Variants in COL4A5 observed in about 807,000 individuals in gnomAD.
COL4A5 encodes collagen alpha-5(IV) chain.
Under a neutral mutation model 130.2 loss-of-function variants are expected in COL4A5, and 26 were observed. The ratio of observed to expected loss-of-function variants is 0.20; its 90% CI spans 0.15 to 0.28. The LOEUF (loss-of-function observed/expected upper bound fraction) is 0.28. COL4A5 is among the 10% of genes least tolerant of loss of function. The pLI is 1.00. For synonymous variants in COL4A5, 496 were observed against 439.6 expected (o/e 1.13, Z -1.60); for missense variants, 1,131 against 1,344.3 (o/e 0.84, Z 2.48).
intron 37 of COL4A5, among the ~76,000 whole-genome samples, chrX:108,661,393 G>C (rs2067954759): frequency 9.0e-6 from 1 of 111,467 alleles, no homozygotes; most frequent in Non-Finnish European, 1.9e-5. Context: ...TCAATATTCT[G>C]TTAATCGCCA....
Position 108,635,817 on chromosome X carries a change from A to G in COL4A5, c.3246+9468A>G, listed in dbSNP as rs188342056. ...TTAAGGATAGTCTTTTCAACAAATG[A>G]TGCTGGAACATGGATGCAGCTGGAG... On this transcript the variant is annotated intron_variant, in intron 36 of 52. Transcript: ENST00000328300. Among the ~76,000 whole-genome samples the G allele has an allele frequency of 3.6e-5, 4 of 112,551 alleles. No individual in the cohort carries two copies. The East Asian group carries it at 8.4e-4, about 24-fold the overall frequency.
Position 108,539,819 on chromosome X carries a change from T to C in COL4A5, c.141+14T>C. On this transcript the variant is annotated intron_variant, in intron 2 of 52. Coordinates refer to ENST00000328300, the MANE Select transcript of COL4A5 (RefSeq NM_033380.3). Reference sequence around the variant, plus strand: ...AAAGGGGAAAAGGTGAGGTCTTAGATTGGCATTTGAAAATTTAGTAAAGCC... The same window carrying C: ...AAAGGGGAAAAGGTGAGGTCTTAGACTGGCATTTGAAAATTTAGTAAAGCC... 3.4e-6 allele frequency: 4 copies of C among 1,186,940 alleles called. No individual in the cohort carries two copies. Among genetic ancestry groups the C allele is most frequent in the East Asian group, 3.0e-5 (1 of 33,720 alleles).
chrX:108,555,394 T>G (rs1377423568), intron 2 of COL4A5, among the ~76,000 whole-genome samples: 1 of 112,296 alleles, frequency 8.9e-6, no homozygotes, highest in Non-Finnish European at 1.9e-5. Context: ...TCTACATAAC[T>G]ACAAAAACAA....
At chrX:108,500,259 G>A (rs1043121228) in intron 1 of COL4A5, among the ~76,000 whole-genome samples, 21 of 112,103 alleles carry the variant, frequency 1.9e-4, no homozygotes, top group Non-Finnish European at 1.5e-4. Context: ...ACCCAAGAGC[G>A]GAACATTAAA....
chrX:108,493,363 A>G (rs1290175310), intron 1 of COL4A5, among the ~76,000 whole-genome samples: 1 of 111,738 alleles, frequency 8.9e-6, no homozygotes, highest in Non-Finnish European at 1.9e-5. Context: ...GGAAAAATGA[A>G]TGATGTCAAA....
chrX:108,678,028 A>T (rs1346188836), intron 44 of COL4A5, among the ~76,000 whole-genome samples: 2 of 111,885 alleles, frequency 1.8e-5, no homozygotes, highest in Non-Finnish European at 3.8e-5. Context: ...TTAGGGTCAA[A>T]TGTCAGCTCC....
At chrX:108,635,312 G>T (rs2067333744) in intron 36 of COL4A5, among the ~76,000 whole-genome samples, 2 of 111,308 alleles carry the variant, frequency 1.8e-5, no homozygotes, top group Admixed American at 1.9e-4. Flanking sequence ...GAAAAGGAAT[G>T]AAACACTTTG....
chrX:108,538,821 T>C (rs906277935), intron 1 of COL4A5, among the ~76,000 whole-genome samples: 6 of 111,975 alleles, frequency 5.4e-5, no homozygotes, highest in Non-Finnish European at 9.4e-5. Flanking sequence ...AGGATAGTAC[T>C]GAATGGCAGA....
chrX:108,500,203 G>C (rs971799699), intron 1 of COL4A5, among the ~76,000 whole-genome samples: 1 of 111,942 alleles, frequency 8.9e-6, no homozygotes, highest in African/African-American at 3.2e-5. Flanking sequence ...AAAATACTGC[G>C]TGGTAATTAA....
At chrX:108,692,185 GTTTC>G (rs1447588955) in intron 49 of COL4A5, among the ~76,000 whole-genome samples, 2 of 111,595 alleles carry the variant, frequency 1.8e-5, no homozygotes, top group Non-Finnish European at 3.8e-5. Flanking sequence ...TCAAAGATTA[GTTTC>G]TTTCTTTTTT....
At chrX:108,518,876 G>A (rs17280224) in intron 1 of COL4A5, among the ~76,000 whole-genome samples, 30,439 of 110,040 alleles carry the variant, frequency 0.28, 3,435 homozygotes, top group East Asian at 0.57. Flanking sequence ...ATGACAGCGA[G>A]AAGAAAACGT....
At position 108,668,394 on chromosome X, in the gene COL4A5, T is replaced by C; in HGVS notation, c.3680T>C (p.Phe1227Ser). The C allele has an allele frequency of 8.3e-7, 1 of 1,211,127 alleles. No homozygotes were observed. Among genetic ancestry groups the C allele is most frequent in the Non-Finnish European group, 1.1e-6 (1 of 895,145 alleles). Residue 1227 changes from phenylalanine to serine, a missense_variant, in exon 41 of 53, where the codon TTT (phenylalanine) becomes TCT (serine). Phe to Ser is a radical substitution (Grantham distance 155). Transcript: ENST00000328300. Reference protein sequence around the residue: ...GLPGPKGEPGFHGFPGVQGPP... With the variant: ...GLPGPKGEPGSHGFPGVQGPP... ...CCAGGTCCAAAGGGCGAACCAGGCT[T>C]TCACGGTTTCCCTGGTGTGCAGGGT...
In COL4A5 at chrX:108,696,390, A is replaced by T; in HGVS notation, c.*12A>T. ...TGAAGAGGACATAACATTTTGAAGAATTCCTTTTGTGTTTTAAAATGTGAT... is the reference window on the plus strand; with the variant it reads ...TGAAGAGGACATAACATTTTGAAGATTTCCTTTTGTGTTTTAAAATGTGAT... On this transcript the variant is annotated 3_prime_UTR_variant, in exon 53 of 53. Transcript: ENST00000328300. 8.5e-7 allele frequency: 1 copy of T among 1,177,539 alleles called. No homozygotes were observed. The highest frequency in any genetic ancestry group is 1.2e-6 in the Non-Finnish European group (1 of 864,942).
chrX:108,523,893 T>G (rs747496954), intron 1 of COL4A5, among the ~76,000 whole-genome samples: 1 of 111,797 alleles, frequency 8.9e-6, no homozygotes, highest in Admixed American at 9.5e-5. Context: ...TGCTAGTCTA[T>G]AGGAATACAA....
chrX:108,453,395 A>G (rs2064548937), intron 1 of COL4A5, among the ~76,000 whole-genome samples: 1 of 112,143 alleles, frequency 8.9e-6, no homozygotes, highest in Non-Finnish European at 1.9e-5. Context: ...GTCAAAGCAA[A>G]GAAATCTACA....
chrX:108,472,590 C>G (rs1270225081), intron 1 of COL4A5, among the ~76,000 whole-genome samples: 2 of 111,624 alleles, frequency 1.8e-5, no homozygotes, highest in Non-Finnish European at 3.8e-5. Context: ...TCTTTTGTAA[C>G]AGGGGTGACT....
At chrX:108,571,518 C>T in intron 7 of COL4A5, 52 bp downstream of exon 7, 1 of 950,940 alleles carries the variant, frequency 1.1e-6, no homozygotes, top group Non-Finnish European at 1.5e-6. Flanking sequence ...ACAAAAGAAG[C>T]AGAAATGTAG....
intron 3 of COL4A5, 127 bp downstream of exon 3, chrX:108,559,280 G>C (rs1223006780): frequency 1.1e-5 from 6 of 547,933 alleles, no homozygotes; most frequent in Non-Finnish European, 1.9e-5. Context: ...TGAAACAATG[G>C]AATGACGGGG....
intron 43 of COL4A5, among the ~76,000 whole-genome samples, chrX:108,676,699 C>T (rs2068310290): frequency 8.9e-6 from 1 of 111,909 alleles, no homozygotes; most frequent in Admixed American, 9.5e-5. Flanking sequence ...AAGCATATCA[C>T]TAAAATGAAA....
Sources: allele counts gnomAD v4.1 joint callset (sites outside exome capture counted in the v4.1 genomes callset), GRCh38; gene constraint gnomAD v4.1.1; transcripts MANE v1.5; gene names NCBI Gene and HGNC (gene_info 2026-07-23, HGNC 2026-07-21).